Variants in ERCC6L observed in about 807,000 individuals in gnomAD.
ERCC6L encodes the protein DNA excision repair protein ERCC-6-like.
In ERCC6L, 7 loss-of-function variants were observed where a neutral mutation model predicts 20.1. The ratio of observed to expected loss-of-function variants is 0.35; its 90% CI spans 0.20 to 0.65. The LOEUF (loss-of-function observed/expected upper bound fraction) is 0.65. Among genes scored for constraint, ERCC6L ranks in the 30% least tolerant of loss-of-function variants. ERCC6L has a pLI of 0.69. For synonymous variants in ERCC6L, 278 were observed against 331.3 expected, an observed-to-expected ratio of 0.84 and a Z score of 1.75; for missense variants, 592 against 892.4, an observed-to-expected ratio of 0.66 and a Z score of 4.29.
chrX:72,205,582 G>A lies in ERCC6L; in HGVS notation c.3185C>T (p.Ser1062Leu). 8.3e-7 allele frequency: 1 copy of A among 1,211,176 alleles called. No homozygotes were observed. Among genetic ancestry groups the A allele is most frequent in the Non-Finnish European group, 1.1e-6 (1 of 894,897 alleles). ...QFSSVKQFDASTPKNDISPPG... is the reference protein window; with the variant it reads ...QFSSVKQFDALTPKNDISPPG... ...TGGACTGATGTCATTTTTGGGAGTT[G>A]AAGCATCAAATTGTTTCACAGATGA... is the stretch of plus-strand genomic sequence containing the variant. The change falls in exon 2 of 2, where the codon TCA (serine) becomes TTA (leucine). Residue 1062 changes from serine to leucine, a missense_variant. Ser to Leu is a moderately radical substitution (Grantham distance 145, BLOSUM62 -2). This residue lies in a region of ERCC6L where 352 missense variants were observed against 402.6 expected (regional missense o/e 0.87). Transcript: ENST00000334463.
At chrX:72,221,967 C>T (rs774291589) in intron 1 of ERCC6L, among the ~76,000 whole-genome samples, 3 of 109,761 alleles carry the variant, frequency 2.7e-5, no homozygotes, top group East Asian at 5.8e-4. Flanking sequence ...GCAGATGAAC[C>T]CCCTTCGTAT....
chrX:72,208,713 A>AG lies in ERCC6L; in HGVS notation c.69-16dup, dbSNP rs1642354428. The stretch of plus-strand genomic sequence containing the variant: ...CTTTCACATATCTATAGAAAAAAAA[A>AG]GAAGAAGAGGAGAAAGGAAACATTG... On this transcript the variant is annotated splice_polypyrimidine_tract_variant and intron_variant, in intron 1 of 1. Transcript: ENST00000334463. The AG allele has an allele frequency of 2.6e-6, 3 of 1,138,520 alleles. No homozygotes were observed. The highest frequency in any genetic ancestry group is 3.5e-6 in the Non-Finnish European group (3 of 849,841). The allele number at this position is 1,138,520 out of a possible 1,213,427, so 93.8% of individuals were successfully genotyped here. A position where few individuals can be genotyped will look rare whatever the true frequency, so the allele number is the denominator to read the frequency against.
At position 72,218,128 on chromosome X, in the gene ERCC6L, G is replaced by A. The variant is rs1470863596; in HGVS notation, c.69-9430C>T. 2.7e-5 allele frequency among the ~76,000 whole-genome samples: 3 copies of A among 109,703 alleles called. No homozygotes were observed. The Admixed American group carries it at 2.9e-4, about 11-fold the overall frequency. On this transcript the variant is annotated intron_variant, in intron 1 of 1. Coordinates refer to ENST00000334463, the MANE Select transcript of ERCC6L (RefSeq NM_017669.4). The stretch of plus-strand genomic sequence containing the variant: ...TACTAAAAATACAAAAAATTAGCTG[G>A]GCATGGTGGTGGGCGCCTGTAGTCC...
At chrX:72,208,894 CCAG>C (rs1371393998) in intron 1 of ERCC6L, among the ~76,000 whole-genome samples, 196 bp from the exon 2 acceptor site, 1 of 111,866 alleles carries the variant, frequency 8.9e-6, no homozygotes, top group African/African-American at 3.3e-5. Context: ...CCAGATGCTG[CCAG>C]CAACACCTTC....
rs760786122 is a variant in ERCC6L, at chrX:72,205,344, A to G, written c.3423T>C (p.Tyr1141=). ...VEESSGEASK[Y]TEEDPSGETL... The stretch of plus-strand genomic sequence containing the variant: ...TTTCTCCGGAAGGATCCTCTTCTGT[A>G]TACTTGGAGGCTTCGCCACTGCTTT... Residue 1141 remains tyrosine, a synonymous_variant, in exon 2 of 2, where the codon TAT becomes TAC. Transcript: ENST00000334463. 8 of 1,210,513 alleles carry G rather than the reference A, an allele frequency of 6.6e-6. No individual in the cohort carries two copies. In the African/African-American group the frequency reaches 1.4e-4, roughly 21 times the overall value.
intron 1 of ERCC6L, among the ~76,000 whole-genome samples, chrX:72,216,532 A>G (rs961678785): frequency 8.9e-6 from 1 of 111,995 alleles, no homozygotes; most frequent in African/African-American, 3.2e-5. Context: ...CCTTCTCATG[A>G]TACCAAACAG....
In ERCC6L at chrX:72,224,537, G is replaced by C. The variant is rs774064831; in HGVS notation, c.68+14307C>G. 4.5e-5 allele frequency among the ~76,000 whole-genome samples: 5 copies of C among 111,618 alleles called. No individual in the cohort carries two copies. In the South Asian group the frequency reaches 1.9e-3, roughly 42 times the overall value. ...CGAGGCAGGCGGATCACCTGAGTTT[G>C]GGAGCTTGAGACCAGCCTGACCAAC... On this transcript the variant is annotated intron_variant, in intron 1 of 1. Coordinates refer to ENST00000334463, the MANE Select transcript of ERCC6L (RefSeq NM_017669.4).
intron 1 of ERCC6L, among the ~76,000 whole-genome samples, chrX:72,232,070 C>A (rs780838907): frequency 3.2e-4 from 35 of 109,091 alleles, no homozygotes; most frequent in Admixed American, 1.8e-3. Context: ...CAGAGCGAGA[C>A]CCTGTCTCTA....
intron 1 of ERCC6L, among the ~76,000 whole-genome samples, chrX:72,219,929 C>T (rs1223661527): frequency 9.0e-6 from 1 of 110,915 alleles, no homozygotes; most frequent in Non-Finnish European, 1.9e-5. Flanking sequence ...AACATCCTTG[C>T]CTTGTTCCTG....
intron 1 of ERCC6L, chrX:72,237,931 G>A (rs2043027012): frequency 9.0e-6 from 1 of 111,438 alleles, no homozygotes; most frequent in African/African-American, 3.3e-5. Flanking sequence ...ATTCCAGTCT[G>A]GGCGACACAG....
At chrX:72,229,235 C>T (rs1837983947) in intron 1 of ERCC6L, among the ~76,000 whole-genome samples, 1 of 111,270 alleles carries the variant, frequency 9.0e-6, no homozygotes, top group Non-Finnish European at 1.9e-5. Context: ...ACCGTACTAT[C>T]ATTATTAAAC....
chrX:72,232,286 A>G (rs2042988340), intron 1 of ERCC6L, among the ~76,000 whole-genome samples: 1 of 102,810 alleles, frequency 9.7e-6, no homozygotes, highest in East Asian at 3.1e-4. Context: ...AAAAAAAAAA[A>G]AAAAAAAAAA....
chrX:72,238,954 G>GCTTGGAA lies in ERCC6L; in HGVS notation c.-44_-43insTTCCAAG. 2 of 964,196 alleles carry GCTTGGAA rather than the reference G, an allele frequency of 2.1e-6. No individual in the cohort carries two copies. Among genetic ancestry groups the GCTTGGAA allele is most frequent in the South Asian group, 2.1e-5 (1 of 48,420 alleles). 79.5% of individuals were successfully genotyped at this position (964,196 alleles called of 1,213,427 possible). On this transcript the variant is annotated 5_prime_UTR_variant, in exon 1 of 2. It introduces an in-frame stop codon into an upstream open reading frame of the 5' UTR. Transcript: ENST00000334463. ...CCAGTTACCCCGGCGGGAGTTTGGA[G>GCTTGGAA]CTTGGAGCTTGGAGCTTGGAGCTTG...
chrX:72,205,770 G>A lies in ERCC6L; in HGVS notation c.2997C>T (p.Leu999=), dbSNP rs371897834. 4 of 1,210,167 alleles carry A rather than the reference G, an allele frequency of 3.3e-6. No individual in the cohort carries two copies. In the African/African-American group the frequency reaches 5.2e-5, roughly 16 times the overall value. The change falls in exon 2 of 2, where the codon CTC becomes CTT. Residue 999 remains leucine (L), a synonymous_variant. Coordinates refer to ENST00000334463, the MANE Select transcript of ERCC6L (RefSeq NM_017669.4). The stretch of plus-strand genomic sequence containing the variant: ...CGTCTTTCTCAGAAAACTCCCAACT[G>A]AGACATGTTTTGCTATGCACAAACC... ...RAGFVHSKTC[L]SWEFSEKDDE... is the part of the protein sequence containing the mutation.
At chrX:72,219,080 A>AC (rs2042904255) in intron 1 of ERCC6L, among the ~76,000 whole-genome samples, 1 of 110,783 alleles carries the variant, frequency 9.0e-6, no homozygotes, top group Non-Finnish European at 1.9e-5. Context: ...ACGCAGTGAA[A>AC]CCCCGTCCCT....
chrX:72,229,651 C>A (rs948323620), intron 1 of ERCC6L, among the ~76,000 whole-genome samples: 1 of 111,454 alleles, frequency 9.0e-6, no homozygotes, highest in Non-Finnish European at 1.9e-5. Context: ...TGGACTGGAA[C>A]CTGTACCCTA....
chrX:72,212,666 A>G (rs1325056135), intron 1 of ERCC6L, among the ~76,000 whole-genome samples: 2 of 112,043 alleles, frequency 1.8e-5, no homozygotes, highest in African/African-American at 3.2e-5. Flanking sequence ...GACAGCTGGG[A>G]GCGGTGGCTT....
Position 72,228,101 on chromosome X carries a change from C to T in ERCC6L, c.68+10743G>A, listed in dbSNP as rs113372946. ...AAAAAGTTCTAAGTTGCTAGCCAAT[C>T]GGGACAAATACAGAATGTGAGGTCC... On this transcript the variant is annotated intron_variant, in intron 1 of 1. Coordinates refer to ENST00000334463, the MANE Select transcript of ERCC6L (RefSeq NM_017669.4). 5.4e-3 allele frequency among the ~76,000 whole-genome samples: 600 copies of T among 111,916 alleles called. 3 individuals carry two copies. The highest frequency in any genetic ancestry group is 8.9e-3 in the Non-Finnish European group (472 of 53,171).
At chrX:72,222,904 G>T (rs1278021651) in intron 1 of ERCC6L, among the ~76,000 whole-genome samples, 1 of 107,866 alleles carries the variant, frequency 9.3e-6, no homozygotes, top group Admixed American at 1.0e-4. Flanking sequence ...CCTGAATCCT[G>T]CCCTTTTCTT....
Sources: gnomAD v4.1 joint callset for allele counts (sites outside exome capture counted in the v4.1 genomes callset) on GRCh38, gnomAD v4.1.1 for gene constraint, gnomAD v4.1.1 regional missense constraint, MANE v1.5 for transcripts, NCBI Gene and HGNC (gene_info 2026-07-23, HGNC 2026-07-21) for gene names.